Variants in RNF111 observed in about 807,000 individuals in gnomAD.
RNF111 encodes E3 ubiquitin-protein ligase Arkadia.
In RNF111, 17 loss-of-function variants were observed where a neutral mutation model predicts 95.1. That is an observed-to-expected ratio of 0.18 (90% CI 0.12 to 0.27). The LOEUF is 0.27. RNF111 is among the 10% of genes least tolerant of loss of function. The probability of loss-of-function intolerance (pLI) is 1.00; values close to 1 mark genes in which losing one functional copy is unlikely to be tolerated. For missense variants in RNF111, 1,189 were observed against 1,210.4 expected, an observed-to-expected ratio of 0.98 and a Z score of 0.26; for synonymous variants, 440 against 414.8, an observed-to-expected ratio of 1.06 and a Z score of -0.74.
chr15:59,045,621 G>C (rs1186625373), intron 2 of RNF111, among the ~76,000 whole-genome samples: 1 of 152,086 alleles, frequency 6.6e-6, no homozygotes, highest in South Asian at 2.1e-4. Flanking sequence ...CCAGTTTATG[G>C]GTTGAAATAA....
rs529870482 is a variant in RNF111, at chr15:59,064,922, C to T, written c.1367-1842C>T. On this transcript the variant is annotated intron_variant, in intron 5 of 13. Transcript: ENST00000348370. ...TCTTACCAAGCAGAGCCTGAAGCAC[C>T]CCCCTACCCAGGTTCATTTATGTGA... 1.3e-4 allele frequency among the ~76,000 whole-genome samples: 19 copies of T among 151,982 alleles called. No homozygotes were observed. The South Asian group carries it at 3.3e-3, about 27-fold the overall frequency.
chr15:59,092,719 C>A, intron 13 of RNF111, 79 bp downstream of exon 13: 1 of 1,343,666 alleles, frequency 7.4e-7, no homozygotes, highest in South Asian at 1.5e-5. Flanking sequence ...TTACACCGGG[C>A]ATGATGGCTC....
rs188841566 is a variant in RNF111, at chr15:59,079,201, C to G, written c.1949-1735C>G. On this transcript the variant is annotated intron_variant, in intron 7 of 13. Transcript: ENST00000348370. ...ACTCATTCTGAAACAAAACTTCTTG[C>G]TTTGTAATATTTGTGAATGTTGTAT... Among the ~76,000 whole-genome samples the G allele has an allele frequency of 2.0e-4, 30 of 152,212 alleles. No homozygotes were observed. In the East Asian group the frequency reaches 5.2e-3, roughly 26 times the overall value.
intron 6 of RNF111, among the ~76,000 whole-genome samples, chr15:59,073,226 T>C (rs185939498): frequency 1.3e-5 from 2 of 152,166 alleles, no homozygotes; most frequent in East Asian, 3.9e-4. Context: ...ATCCCAGCAC[T>C]TTGTTTGAGA....
rs56879271 is a variant in RNF111 at position 59,093,949 on chromosome 15, C to G, written c.2844-834C>G. 8.3e-3 allele frequency among the ~76,000 whole-genome samples: 1,267 copies of G among 152,174 alleles called. 23 individuals are homozygous for G. The highest frequency in any genetic ancestry group is 0.03 in the African/African-American group (1,226 of 41,498). On this transcript the variant is annotated intron_variant, in intron 13 of 13. Coordinates refer to ENST00000348370, the MANE Select transcript of RNF111 (RefSeq NM_017610.8). ...ATACTTTTTAAGGCTATTATTTTAACAAGATATTAGGAAGTCTGAAAAGTG... is the reference window on the plus strand; with the variant it reads ...ATACTTTTTAAGGCTATTATTTTAAGAAGATATTAGGAAGTCTGAAAAGTG...
At chr15:59,083,597 T>C (rs1444213371) in intron 8 of RNF111, among the ~76,000 whole-genome samples, 1 of 152,100 alleles carries the variant, frequency 6.6e-6, no homozygotes, top group African/African-American at 2.4e-5. Context: ...TAACTTGTAT[T>C]ACATGTGTTT....
chr15:59,067,164 C>T, intron 6 of RNF111, 81 bp downstream of exon 6: 1 of 1,201,546 alleles, frequency 8.3e-7, no homozygotes. Flanking sequence ...CTCTCTCTTC[C>T]TCTTCCTTCA....
At position 59,031,576 on chromosome 15, in the gene RNF111, A is replaced by G; in HGVS notation, c.754A>G (p.Ser252Gly). The change falls in exon 2 of 14, where the codon AGT (serine) becomes GGT (glycine). Residue 252 changes from serine to glycine, a missense_variant. Coordinates refer to ENST00000348370, the MANE Select transcript of RNF111 (RefSeq NM_017610.8). Reference sequence around the variant, plus strand: ...TCGAAGAAAATATGCCTTGCTACCTAGTTCTAGTAGTTCCAGTGAGAATGA... The same window carrying G: ...TCGAAGAAAATATGCCTTGCTACCTGGTTCTAGTAGTTCCAGTGAGAATGA... ...LARRKYALLP[S>G]SSSSSENDLS... 6.2e-7 allele frequency: 1 copy of G among 1,614,224 alleles called. No individual in the cohort carries two copies. The highest frequency in any genetic ancestry group is 8.5e-7 in the Non-Finnish European group (1 of 1,180,034).
In RNF111 at chr15:59,067,007, G is replaced by T; in HGVS notation, c.1610G>T (p.Cys537Phe). ...TCTCCTTCCTTTAGTGATCCTGCTTGCCCTGTGGAAAGACCTCCACAAGTA... is the reference window on the plus strand; with the variant it reads ...TCTCCTTCCTTTAGTGATCCTGCTTTCCCTGTGGAAAGACCTCCACAAGTA... Reference protein sequence around the residue: ...PVSPSFSDPACPVERPPQVQA... With the variant: ...PVSPSFSDPAFPVERPPQVQA... Residue 537 changes from cysteine to phenylalanine, a missense_variant, in exon 6 of 14, where the codon TGC becomes TTC. Transcript: ENST00000348370. The T allele has an allele frequency of 6.2e-7, 1 of 1,614,016 alleles. No individual in the cohort carries two copies. Among genetic ancestry groups the T allele is most frequent in the Non-Finnish European group, 8.5e-7 (1 of 1,179,996 alleles).
At chr15:59,075,399 A>G (rs759740918) in intron 6 of RNF111, among the ~76,000 whole-genome samples, 11 of 152,368 alleles carry the variant, frequency 7.2e-5, no homozygotes, top group Non-Finnish European at 1.0e-4. Flanking sequence ...AAGGTAATTC[A>G]TGATTTAGTC....
chr15:59,097,080 A>C lies in RNF111; in HGVS notation c.*2180A>C, dbSNP rs530273341. 6.6e-6 allele frequency: 1 copy of C among 152,264 alleles called. No homozygotes were observed. The highest frequency in any genetic ancestry group is 1.9e-4 in the East Asian group (1 of 5,206). 9.4% of individuals were successfully genotyped at this position (152,264 alleles called of 1,614,324 possible). ...ACCTGAATTGTTAATATAGGAGCTT[A>C]TTAAGCTACTGCCATTAGTTATCGA... is the stretch of plus-strand genomic sequence containing the variant. On this transcript the variant is annotated 3_prime_UTR_variant, in exon 14 of 14. Transcript: ENST00000348370.
In RNF111 at chr15:59,003,354, C is replaced by T. The variant is rs937054246; in HGVS notation, c.-20+15286C>T. Among the ~76,000 whole-genome samples, 3 of 152,186 alleles carry T rather than the reference C, an allele frequency of 2.0e-5. No homozygotes were observed. The East Asian group carries it at 5.8e-4, about 29-fold the overall frequency. ...TCCTGAGCTCAAGCCATCTGCCCAC[C>T]TTGACCTCCCAAAGTTATGGGATTA... On this transcript the variant is annotated intron_variant, in intron 1 of 13. Transcript: ENST00000348370.
intron 2 of RNF111, among the ~76,000 whole-genome samples, chr15:59,044,051 A>T (rs2041594213): frequency 6.6e-6 from 1 of 151,808 alleles, no homozygotes; most frequent in African/African-American, 2.4e-5. Context: ...GTGGGGGGAG[A>T]CAGAGTTTCG....
intron 12 of RNF111, 61 bp from the exon 13 acceptor site, chr15:59,092,476 T>C: frequency 2.6e-6 from 4 of 1,538,154 alleles, no homozygotes; most frequent in Middle Eastern, 1.7e-4. Flanking sequence ...ACACAGACTT[T>C]ACTCAGTTGT....
Position 59,058,861 on chromosome 15 carries a change from T to C in RNF111, c.1366+311T>C, listed in dbSNP as rs370032867. The stretch of plus-strand genomic sequence containing the variant: ...TGGACTTCATCAAAATTTAGAACTT[T>C]CGTGCATTAAAGGATATTATCAAGA... On this transcript the variant is annotated intron_variant, in intron 5 of 13. Transcript: ENST00000348370. Among the ~76,000 whole-genome samples, 51 of 152,294 alleles carry C rather than the reference T, an allele frequency of 3.3e-4. No individual in the cohort carries two copies. The East Asian group carries it at 3.9e-3, about 12-fold the overall frequency.
chr15:59,072,199 A>G (rs2042957688), intron 6 of RNF111, among the ~76,000 whole-genome samples: 1 of 152,170 alleles, frequency 6.6e-6, no homozygotes, highest in African/African-American at 2.4e-5. Context: ...GGTGGTACCT[A>G]AAGATTGGGG....
chr15:58,994,982 C>G (rs2038991480), intron 1 of RNF111, among the ~76,000 whole-genome samples: 1 of 152,094 alleles, frequency 6.6e-6, no homozygotes, highest in African/African-American at 2.4e-5. Context: ...AGCATTTATC[C>G]CTTTACAGCA....
At chr15:59,024,059 T>G (rs1404470684) in intron 1 of RNF111, among the ~76,000 whole-genome samples, 2 of 152,216 alleles carry the variant, frequency 1.3e-5, no homozygotes, top group African/African-American at 4.8e-5. Context: ...TTCTCTCTTT[T>G]AAGGACCTGA....
chr15:59,064,053 T>A (rs2042550473), intron 5 of RNF111, among the ~76,000 whole-genome samples: 1 of 152,166 alleles, frequency 6.6e-6, no homozygotes, highest in South Asian at 2.1e-4. Flanking sequence ...ACTATACATA[T>A]TATAATTTAT....
Sources: gnomAD v4.1 joint callset for allele counts (sites outside exome capture counted in the v4.1 genomes callset) on GRCh38, gnomAD v4.1.1 for gene constraint, MANE v1.5 for transcripts, NCBI Gene and HGNC (gene_info 2026-07-23, HGNC 2026-07-21) for gene names.